NUP107: variants seen among roughly 807,000 people sequenced by gnomAD.
NUP107 encodes nucleoporin 107.
In NUP107, 101 loss-of-function variants were observed where a neutral mutation model predicts 141.0. The observed-to-expected ratio is 0.72, with a 90% CI of 0.61 to 0.84. The LOEUF (loss-of-function observed/expected upper bound fraction) is 0.84, where lower values mean the gene tolerates loss of function less well. Among genes scored for constraint, NUP107 ranks in the 40% least tolerant of loss-of-function variants. The pLI, the probability that NUP107 is intolerant of heterozygous loss-of-function variation, is 0.00. For missense variants in NUP107, 941 were observed against 1,102.7 expected (o/e 0.85, Z 2.08); for synonymous variants, 319 against 363.9 (o/e 0.88, Z 1.41).
At chr12:68,712,802 A>G (rs1369597539) in intron 10 of NUP107, among the ~76,000 whole-genome samples, 1 of 152,162 alleles carries the variant, frequency 6.6e-6, no homozygotes, top group African/African-American at 2.4e-5. Flanking sequence ...AAAGCAATCC[A>G]GCAGGGAATG....
rs545843532 is a variant in NUP107 at position 68,719,397 on chromosome 12, C to A, written c.1140C>A (p.Gly380=). ...CATGGAGAGCTGCAACACTTGAAGG[C>A]TGGAAACTGTACCATGACCCTAATG... ...GQAWRAATLE[G]WKLYHDPNVN... is the part of the protein sequence containing the mutation. Residue 380 remains glycine (G), a synonymous_variant, in exon 13 of 28, where the codon GGC becomes GGA. Transcript: ENST00000229179. The A allele has an allele frequency of 1.9e-6, 3 of 1,614,100 alleles. No individual in the cohort carries two copies. In the Admixed American group the frequency reaches 5.0e-5, roughly 27 times the overall value.
intron 26 of NUP107, among the ~76,000 whole-genome samples, chr12:68,737,396 TTCTACTAAAAATACAAAAAAATTAGCCTG>T (rs1286309394): frequency 2.0e-5 from 3 of 151,162 alleles, no homozygotes; most frequent in Non-Finnish European, 4.4e-5. Flanking sequence ...GAAACCCCGT[TTCTACTAAAAATACAAAAAAATTAGCCTG>T]GTGTGGTGGT....
chr12:68,737,996 G>A (rs1878149180), intron 26 of NUP107, among the ~76,000 whole-genome samples: 1 of 151,884 alleles, frequency 6.6e-6, no homozygotes, highest in African/African-American at 2.4e-5. Flanking sequence ...ACAAAAAATT[G>A]GCCGGGCACG....
At chr12:68,730,682 G>A (rs1182491559) in intron 20 of NUP107, among the ~76,000 whole-genome samples, 1 of 152,154 alleles carries the variant, frequency 6.6e-6, no homozygotes, top group African/African-American at 2.4e-5. Context: ...AAATTATTCT[G>A]GGCTGGACAC....
At chr12:68,742,065 T>C (rs1878342650) in intron 27 of NUP107, 85 bp downstream of exon 27, 5 of 1,091,774 alleles carry the variant, frequency 4.6e-6, no homozygotes, top group Non-Finnish European at 6.5e-6. Flanking sequence ...TGTGTTTACA[T>C]TTGTAATTGC....
At chr12:68,725,826 T>TCCACTCATCTATTTA in intron 18 of NUP107, 30 bp downstream of exon 18, 1 of 1,130,158 alleles carries the variant, frequency 8.8e-7, no homozygotes, top group Non-Finnish European at 1.2e-6. Flanking sequence ...TACTTTGTGT[T>TCCACTCATCTATTTA]TTTTGTGTGT....
intron 9 of NUP107, 21 bp from the exon 10 acceptor site, chr12:68,709,983 TA>T (rs1474657171): frequency 2.1e-6 from 3 of 1,413,044 alleles, no homozygotes; most frequent in South Asian, 2.3e-5. Context: ...AACACTAATT[TA>T]TTTTTTTCTT....
chr12:68,694,346 G>A (rs1228924808), intron 5 of NUP107, among the ~76,000 whole-genome samples: 6 of 152,090 alleles, frequency 3.9e-5, no homozygotes, highest in Admixed American at 3.9e-4. Context: ...TTAAGTAATT[G>A]TTTATAAAAT....
chr12:68,723,610 A>C (rs1877441544), intron 17 of NUP107, among the ~76,000 whole-genome samples: 1 of 152,172 alleles, frequency 6.6e-6, no homozygotes, highest in African/African-American at 2.4e-5. Flanking sequence ...AAAAAAGAAA[A>C]AATTGAAATG....
At chr12:68,723,712 C>T (rs182229166) in intron 17 of NUP107, among the ~76,000 whole-genome samples, 34 of 152,318 alleles carry the variant, frequency 2.2e-4, no homozygotes, top group South Asian at 1.5e-3. Context: ...TCAAATGTCA[C>T]ACTTTTTATG....
At chr12:68,720,983 T>C in intron 14 of NUP107, 135 bp from the exon 15 acceptor site, 1 of 509,152 alleles carries the variant, frequency 2.0e-6, no homozygotes, top group Non-Finnish European at 3.5e-6. Flanking sequence ...CCCCACTAGA[T>C]CTTTCACTAA....
At chr12:68,729,632 G>A (rs898405783) in intron 20 of NUP107, among the ~76,000 whole-genome samples, 3 of 151,654 alleles carry the variant, frequency 2.0e-5, no homozygotes, top group Admixed American at 6.6e-5. Context: ...TAGTAGAGAC[G>A]GGGTTTCACC....
intron 7 of NUP107, 152 bp from the exon 8 acceptor site, chr12:68,702,584 A>G: frequency 1.9e-6 from 1 of 524,572 alleles, no homozygotes. Flanking sequence ...ATTTTTGTTT[A>G]CAAAAATACA....
intron 8 of NUP107, among the ~76,000 whole-genome samples, chr12:68,707,356 C>G (rs1876640758): frequency 6.6e-6 from 1 of 152,050 alleles, no homozygotes; most frequent in South Asian, 2.1e-4. Context: ...AATCCCAACA[C>G]TTTGGGAGGT....
At chr12:68,732,210 T>G (rs1877859952) in intron 22 of NUP107, among the ~76,000 whole-genome samples, 1 of 152,240 alleles carries the variant, frequency 6.6e-6, no homozygotes, top group Non-Finnish European at 1.5e-5. Flanking sequence ...CTATCTCTGC[T>G]TACTGCAACC....
At chr12:68,734,565 G>A in intron 24 of NUP107, 143 bp from the exon 25 acceptor site, 1 of 635,382 alleles carries the variant, frequency 1.6e-6, no homozygotes, top group Non-Finnish European at 2.6e-6. Context: ...AATTTTTGGA[G>A]GGAAAAAAAT....
At chr12:68,736,481 A>G (rs1049849209) in intron 26 of NUP107, among the ~76,000 whole-genome samples, 14 of 152,094 alleles carry the variant, frequency 9.2e-5, no homozygotes, top group African/African-American at 2.9e-4. Context: ...CAGTGGCTTC[A>G]TCATAGCTCA....
rs777084246 is a variant in NUP107, at chr12:68,741,814, A to C, written c.2504A>C (p.Asp835Ala). ...DGGWMVDVRE[D>A]AKEDHERTHQ... ...TGATTTATTGATGTCTGTTTGTAGGATGCCAAAGAAGACCATGAAAGAACA... is the reference window on the plus strand; with the variant it reads ...TGATTTATTGATGTCTGTTTGTAGGCTGCCAAAGAAGACCATGAAAGAACA... The change falls in exon 27 of 28, where the codon GAT (aspartate) becomes GCT (alanine). Residue 835 changes from aspartate to alanine, a missense_variant and splice_region_variant. Asp to Ala is a moderately radical substitution (Grantham distance 126). Coordinates refer to ENST00000229179, the MANE Select transcript of NUP107 (RefSeq NM_020401.4). 2.5e-6 allele frequency: 4 copies of C among 1,610,114 alleles called. No individual in the cohort carries two copies. Among genetic ancestry groups the C allele is most frequent in the Non-Finnish European group, 3.4e-6 (4 of 1,178,578 alleles).
intron 26 of NUP107, among the ~76,000 whole-genome samples, chr12:68,738,733 T>A (rs1402486998): frequency 2.0e-5 from 3 of 152,182 alleles, no homozygotes; most frequent in Non-Finnish European, 4.4e-5. Flanking sequence ...AGGTCATCTT[T>A]ACCTACCTTT....
Sources: gnomAD v4.1 joint callset for allele counts (sites outside exome capture counted in the v4.1 genomes callset) on GRCh38, gnomAD v4.1.1 for gene constraint, MANE v1.5 for transcripts, NCBI Gene and HGNC (gene_info 2026-07-23, HGNC 2026-07-21) for gene names.